MMUT: variants seen among roughly 807,000 people sequenced by gnomAD.
MMUT encodes the protein methylmalonyl-CoA mutase, also known as methylmalonyl-CoA mutase, mitochondrial.
A neutral mutation model predicts 79.9 loss-of-function variants in MMUT; 79 were observed. The observed-to-expected ratio is 0.99, with a 90% CI of 0.82 to 1.19. The LOEUF is 1.19. Ranked by LOEUF, MMUT falls within the 50% of genes most tolerant of loss-of-function variation. The probability of loss-of-function intolerance (pLI) is 0.00; values close to 1 mark genes in which losing one functional copy is unlikely to be tolerated. For missense variants in MMUT, 860 were observed against 917.2 expected (o/e 0.94, Z 0.81); for synonymous variants, 273 against 295.7 (o/e 0.92, Z 0.79).
At chr6:49,454,144 A>C (rs1767629295) in intron 4 of MMUT, among the ~76,000 whole-genome samples, 1 of 152,184 alleles carries the variant, frequency 6.6e-6, no homozygotes, top group Admixed American at 6.5e-5. Context: ...TTAGCCAGAA[A>C]AGTGTTTTGT....
rs754257532 is a variant in MMUT at position 49,457,700 on chromosome 6, A to G, written c.744T>C (p.Tyr248=). 1.6e-5 allele frequency: 25 copies of G among 1,610,066 alleles called. No individual in the cohort carries two copies. The African/African-American group carries it at 2.8e-4, about 18-fold the overall frequency. The change falls in exon 3 of 13, where the codon TAT becomes TAC. Residue 248 remains tyrosine, a synonymous_variant. Coordinates refer to ENST00000274813, the MANE Select transcript of MMUT (RefSeq NM_000255.4). ...SMKIIADIFE[Y]TAKHMPKFNS... The stretch of plus-strand genomic sequence containing the variant: ...TAACCACAAAGTATACCTTTGCTGT[A>G]TATTCAAATATGTCAGCAATAATTT...
At chr6:49,451,413 T>A in intron 6 of MMUT, 53 bp downstream of exon 6, 1 of 1,580,520 alleles carries the variant, frequency 6.3e-7, no homozygotes. Context: ...AATCTATAAA[T>A]CTTTACAAAT....
intron 3 of MMUT, among the ~76,000 whole-genome samples, chr6:49,457,256 C>G (rs1436858338): frequency 2.0e-5 from 3 of 152,124 alleles, no homozygotes; most frequent in South Asian, 4.1e-4. Flanking sequence ...GAAAGATGAG[C>G]CTAATTCAAG....
At chr6:49,442,022 T>C in intron 9 of MMUT, 51 bp from the exon 10 acceptor site, 1 of 1,537,098 alleles carries the variant, frequency 6.5e-7, no homozygotes, top group Non-Finnish European at 9.0e-7. Flanking sequence ...GTGATAAAGA[T>C]ATCTGTTTAC....
intron 7 of MMUT, among the ~76,000 whole-genome samples, 198 bp from the exon 8 acceptor site, chr6:49,447,983 G>A (rs1767453991): frequency 6.6e-6 from 1 of 151,938 alleles, no homozygotes; most frequent in Admixed American, 6.6e-5. Flanking sequence ...CAGAGTCTCT[G>A]TAAGGAAGGA....
At chr6:49,457,606 A>C (rs542289531) in intron 3 of MMUT, 85 bp downstream of exon 3, 3 of 1,214,272 alleles carry the variant, frequency 2.5e-6, no homozygotes, top group Non-Finnish European at 3.5e-6. Context: ...ACTCAGACTA[A>C]ATTTTTAAAT....
chr6:49,452,780 C>A (rs2127418336), intron 5 of MMUT, among the ~76,000 whole-genome samples: 1 of 152,022 alleles, frequency 6.6e-6, no homozygotes, highest in Non-Finnish European at 1.5e-5. Flanking sequence ...GTAAAGAGAA[C>A]ATGTATAAAA....
intron 4 of MMUT, 107 bp from the exon 5 acceptor site, chr6:49,453,863 T>C: frequency 1.1e-6 from 1 of 944,758 alleles, no homozygotes; most frequent in East Asian, 2.5e-5. Context: ...ATATTTTAAT[T>C]TCGAAGAACT....
At position 49,444,152 on chromosome 6, in the gene MMUT, A is replaced by G. The variant is rs371755523; in HGVS notation, c.1676+487T>C. On this transcript the variant is annotated intron_variant, in intron 9 of 12. Coordinates refer to ENST00000274813, the MANE Select transcript of MMUT (RefSeq NM_000255.4). ...ACTCCTAAAGGAACACATGGCTCCA[A>G]TAACAAGGGAAGGACTGGGAGGGGG... Among the ~76,000 whole-genome samples the G allele has an allele frequency of 2.7e-3, 409 of 152,276 alleles. 3 individuals carry two copies. Among genetic ancestry groups the G allele is most frequent in the African/African-American group, 9.5e-3 (395 of 41,566 alleles).
chr6:49,458,135 A>T, intron 2 of MMUT, 77 bp from the exon 3 acceptor site: 3 of 1,418,412 alleles, frequency 2.1e-6, no homozygotes, highest in Non-Finnish European at 2.9e-6. Flanking sequence ...TAACACTACT[A>T]AAAATGTTGA....
intron 8 of MMUT, among the ~76,000 whole-genome samples, chr6:49,445,028 GTAGCACATGTTACT>G (rs1767377467): frequency 6.7e-6 from 1 of 149,300 alleles, no homozygotes; most frequent in Non-Finnish European, 1.5e-5. Context: ...ACCTTCCCAA[GTAGCACATGTTACT>G]TAGGCTTTTC....
intron 4 of MMUT, 140 bp downstream of exon 4, chr6:49,455,940 C>G (rs1264070520): frequency 4.0e-6 from 3 of 741,678 alleles, no homozygotes; most frequent in Non-Finnish European, 6.3e-6. Context: ...TTGGCTTTTT[C>G]TCTCATTATC....
chr6:49,461,993 C>A (rs9369902), intron 1 of MMUT, among the ~76,000 whole-genome samples: 16,130 of 152,122 alleles, frequency 0.11, 1,114 homozygotes, highest in South Asian at 0.19. Context: ...CAGGAAATAT[C>A]ACACTCATTT....
intron 12 of MMUT, 95 bp downstream of exon 12, chr6:49,435,361 T>A: frequency 8.0e-7 from 1 of 1,243,818 alleles, no homozygotes; most frequent in Non-Finnish European, 1.2e-6. Context: ...AAATAATATG[T>A]TCCTAAATCT....
intron 12 of MMUT, among the ~76,000 whole-genome samples, chr6:49,434,711 A>C (rs1200176876): frequency 6.6e-6 from 1 of 152,182 alleles, no homozygotes; most frequent in East Asian, 1.9e-4. Context: ...TCCCTACCTC[A>C]TTAATAAATT....
chr6:49,448,864 G>C lies in MMUT; in HGVS notation c.1396C>G (p.Leu466Val), dbSNP rs1412706456. The change falls in exon 7 of 13, where the codon CTT becomes GTT. Residue 466 changes from leucine to valine, a missense_variant. Physicochemically the swap from Leu to Val is conservative, Grantham distance 32. Transcript: ENST00000274813. ...CGGGCAGCACATTCTTCAATTCGAA[G>C]TTTAGGTATTCCCTCAGCTACAGCT... ...AKAVAEGIPK[L>V]RIEECAARRQ... 6.2e-7 allele frequency: 1 copy of C among 1,613,588 alleles called. No homozygotes were observed. The highest frequency in any genetic ancestry group is 2.2e-5 in the East Asian group (1 of 44,820).
At chr6:49,443,743 T>G in intron 9 of MMUT, 1 of 419,880 alleles carries the variant, frequency 2.4e-6, no homozygotes, top group South Asian at 1.7e-5. Flanking sequence ...TAATGTCTTC[T>G]CACAAAAATC....
chr6:49,458,917 C>T (rs1767761756), intron 2 of MMUT, among the ~76,000 whole-genome samples, 165 bp downstream of exon 2: 1 of 152,104 alleles, frequency 6.6e-6, no homozygotes, highest in African/African-American at 2.4e-5. Context: ...ATTCACTTAT[C>T]TTTTTGACCA....
chr6:49,451,416 T>A (rs367875991), intron 6 of MMUT, 50 bp downstream of exon 6: 22 of 1,591,184 alleles, frequency 1.4e-5, no homozygotes, highest in African/African-American at 6.8e-5. Flanking sequence ...CTATAAATCT[T>A]TACAAATCTG....
Sources: gnomAD v4.1 joint callset for allele counts (sites outside exome capture counted in the v4.1 genomes callset) on GRCh38, gnomAD v4.1.1 for gene constraint, MANE v1.5 for transcripts, NCBI Gene and HGNC (gene_info 2026-07-23, HGNC 2026-07-21) for gene names.